Variants in RERE observed in about 807,000 individuals in gnomAD.
RERE encodes arginine-glutamic acid dipeptide repeats.
Under a neutral mutation model 146.1 loss-of-function variants are expected in RERE, and 40 were observed. The observed-to-expected ratio is 0.27, with a 90% CI of 0.21 to 0.36. RERE has a LOEUF of 0.36. RERE is among the 10% of genes least tolerant of loss of function. The pLI is 1.00. For missense variants in RERE, 1,933 were observed against 2,138.7 expected (o/e 0.90, Z 1.90); for synonymous variants, 1,003 against 866.0 (o/e 1.16, Z -2.78).
chr1:8,592,266 CT>C lies in RERE; in HGVS notation c.522+22294del, dbSNP rs898775797. 9.9e-4 allele frequency among the ~76,000 whole-genome samples: 150 copies of C among 151,636 alleles called. 1 individual carries two copies. Among genetic ancestry groups the C allele is most frequent in the African/African-American group, 3.4e-3 (141 of 41,338 alleles). On this transcript the variant is annotated intron_variant, in intron 4 of 22. Coordinates refer to ENST00000400908, the MANE Select transcript of RERE (RefSeq NM_001042681.2). Reference sequence around the variant, plus strand: ...TGCCCTTCCAAACCAGCAAAAGGTACTTTTTTTTTCTTTTTTAAAGACACCG... The same window carrying C: ...TGCCCTTCCAAACCAGCAAAAGGTACTTTTTTTTCTTTTTTAAAGACACCG...
At chr1:8,642,012 G>C (rs542018109) in intron 2 of RERE, among the ~76,000 whole-genome samples, 1 of 152,052 alleles carries the variant, frequency 6.6e-6, no homozygotes, top group Non-Finnish European at 1.5e-5. Context: ...AGTGCAGAAG[G>C]ATTTAACAGA....
intron 4 of RERE, among the ~76,000 whole-genome samples, chr1:8,608,201 T>C (rs1234850405): frequency 6.6e-6 from 1 of 152,176 alleles, no homozygotes; most frequent in African/African-American, 2.4e-5. Context: ...TCAGATATTT[T>C]TTCAATCAAC....
intron 7 of RERE, among the ~76,000 whole-genome samples, chr1:8,534,331 G>C (rs1278884145): frequency 1.3e-5 from 2 of 152,158 alleles, no homozygotes; most frequent in East Asian, 1.9e-4. Flanking sequence ...TAATGTTAAA[G>C]AAGAATGTTA....
chr1:8,692,082 G>A (rs1380712005), intron 1 of RERE, among the ~76,000 whole-genome samples: 1 of 152,096 alleles, frequency 6.6e-6, no homozygotes, highest in Non-Finnish European at 1.5e-5. Flanking sequence ...TAGCAAATAA[G>A]GACCTTAGCA....
At chr1:8,692,618 G>C (rs964623890) in intron 1 of RERE, among the ~76,000 whole-genome samples, 2 of 151,944 alleles carry the variant, frequency 1.3e-5, no homozygotes, top group Non-Finnish European at 2.9e-5. Context: ...CAAAGTGCTG[G>C]GATTACAGGC....
intron 1 of RERE, among the ~76,000 whole-genome samples, chr1:8,814,797 T>G (rs144094380): frequency 8.7e-4 from 132 of 152,324 alleles, no homozygotes; most frequent in African/African-American, 3.0e-3. Context: ...CAAGAGAAAT[T>G]ATCTCATAAA....
chr1:8,615,479 GAT>G (rs1203699750), intron 3 of RERE, among the ~76,000 whole-genome samples: 1 of 152,170 alleles, frequency 6.6e-6, no homozygotes, highest in East Asian at 1.9e-4. Flanking sequence ...GTATACCTCA[GAT>G]AACAGTTTGA....
intron 4 of RERE, among the ~76,000 whole-genome samples, chr1:8,584,975 C>T (rs754408110): frequency 2.6e-5 from 4 of 151,776 alleles, no homozygotes; most frequent in Admixed American, 1.3e-4. Flanking sequence ...GGTGAAACCC[C>T]GTCTCTACTC....
intron 11 of RERE, among the ~76,000 whole-genome samples, chr1:8,450,313 G>T (rs926813479): frequency 1.3e-5 from 2 of 151,488 alleles, no homozygotes; most frequent in Non-Finnish European, 2.9e-5. Context: ...ACCAGTTAAC[G>T]ATTTAGTGAT....
At chr1:8,558,294 G>A (rs1570436586) in intron 4 of RERE, among the ~76,000 whole-genome samples, 1 of 152,258 alleles carries the variant, frequency 6.6e-6, no homozygotes, top group East Asian at 1.9e-4. Flanking sequence ...GAGAATAAAG[G>A]ATCAAATATT....
At chr1:8,598,165 C>T (rs1057097118) in intron 4 of RERE, among the ~76,000 whole-genome samples, 3 of 152,148 alleles carry the variant, frequency 2.0e-5, no homozygotes, top group Non-Finnish European at 2.9e-5. Flanking sequence ...AAGATTTCCT[C>T]GCTGGAATTA....
chr1:8,478,673 A>G (rs150000954), intron 10 of RERE, among the ~76,000 whole-genome samples: 1 of 152,326 alleles, frequency 6.6e-6, no homozygotes, highest in East Asian at 1.9e-4. Flanking sequence ...GTGGAACTGA[A>G]GCTAAAACAG....
intron 1 of RERE, among the ~76,000 whole-genome samples, chr1:8,752,572 G>A (rs751003258): frequency 1.4e-4 from 22 of 152,260 alleles, no homozygotes; most frequent in African/African-American, 3.4e-4. Context: ...TTAAAAGTAA[G>A]AACACTGACA....
intron 1 of RERE, among the ~76,000 whole-genome samples, chr1:8,805,218 A>G (rs565013112): frequency 6.6e-6 from 1 of 151,802 alleles, no homozygotes; most frequent in South Asian, 2.1e-4. Flanking sequence ...ATTAAAATAA[A>G]CTCATTTTGG....
At chr1:8,359,702 G>A (rs906794385) in intron 19 of RERE, 62 bp downstream of exon 19, 20 of 1,554,854 alleles carry the variant, frequency 1.3e-5, no homozygotes, top group South Asian at 5.7e-5. Context: ...GTGGCCCAGC[G>A]TGGCTCCCAG....
intron 1 of RERE, among the ~76,000 whole-genome samples, chr1:8,816,349 C>T (rs1348302381): frequency 2.6e-5 from 4 of 152,174 alleles, no homozygotes; most frequent in African/African-American, 9.7e-5. Flanking sequence ...TTAAAGCACC[C>T]AGTTTCTCAA....
chr1:8,383,190 G>T (rs1438969792), intron 12 of RERE, among the ~76,000 whole-genome samples: 1 of 151,754 alleles, frequency 6.6e-6, no homozygotes, highest in Non-Finnish European at 1.5e-5. Context: ...GCTGGTCAAG[G>T]AGAAGAGTAT....
At chr1:8,731,800 GTTTGTTTT>G (rs1557509361) in intron 1 of RERE, among the ~76,000 whole-genome samples, 3 of 151,312 alleles carry the variant, frequency 2.0e-5, no homozygotes, top group African/African-American at 4.9e-5. Context: ...TTGTTTGTTT[GTTTGTTTT>G]GTTTTGTTTT....
At chr1:8,401,767 A>G (rs1251400254) in intron 12 of RERE, among the ~76,000 whole-genome samples, 13 of 152,224 alleles carry the variant, frequency 8.5e-5, no homozygotes, top group East Asian at 5.8e-4. Context: ...AAAAGAAAAA[A>G]AAAAAGCCTA....
Sources: allele counts gnomAD v4.1 joint callset (sites outside exome capture counted in the v4.1 genomes callset), GRCh38; gene constraint gnomAD v4.1.1; transcripts MANE v1.5; gene names NCBI Gene and HGNC (gene_info 2026-07-23, HGNC 2026-07-21).